The following CNOT3 variants were observed in gnomAD, a reference collection of about 807,000 sequenced individuals.
The protein encoded by CNOT3 is CCR4-NOT transcription complex subunit 3, also known as CCR4-associated factor 3.
A neutral mutation model predicts 89.4 loss-of-function variants in CNOT3; 2 were observed. The ratio of observed to expected loss-of-function variants is 0.02; its 90% CI spans 0.01 to 0.07. The LOEUF (loss-of-function observed/expected upper bound fraction) is 0.07. Among genes scored for constraint, CNOT3 ranks in the 10% least tolerant of loss-of-function variants. The pLI is 1.00. For synonymous variants in CNOT3, 486 were observed against 402.0 expected (o/e 1.21, Z -2.50); for missense variants, 664 against 1,010.2 (o/e 0.66, Z 4.65).
chr19:54,148,505 G>A lies in CNOT3; in HGVS notation c.1252G>A (p.Gly418Arg). ...CAGCAGTAGTAACAGCAGTGCCGGT[G>A]GAGGGGCTGGCAAGCAGAATGGCGC... The part of the protein sequence containing the change: ...SSSSSNSSAG[G>R]GAGKQNGATS... Residue 418 changes from glycine to arginine, a missense_variant, in exon 11 of 18, where the codon GGA (glycine) becomes AGA (arginine). Physicochemically the swap from Gly to Arg is moderately radical, Grantham distance 125 (BLOSUM62 -2). Around this residue, in one of 8 missense-constraint regions of CNOT3, gnomAD observed 545 missense variants for 566.2 expected, o/e 0.96. Coordinates refer to ENST00000221232, the MANE Select transcript of CNOT3 (RefSeq NM_014516.4). This position sits in a 1 kb window ranked among gnomAD's most constrained non-coding sequence, Gnocchi z 6.3. 6.4e-7 allele frequency: 1 copy of A among 1,559,230 alleles called. No homozygotes were observed. Among genetic ancestry groups the A allele is most frequent in the Non-Finnish European group, 8.7e-7 (1 of 1,149,108 alleles).
intron 1 of CNOT3, among the ~76,000 whole-genome samples, chr19:54,138,392 C>T (rs897193085): frequency 6.6e-6 from 1 of 152,174 alleles, no homozygotes; most frequent in Non-Finnish European, 1.5e-5. Flanking sequence ...ATGGAGGCGC[C>T]CCTGGTCCCA....
intron 16 of CNOT3, 48 bp from the exon 17 acceptor site, chr19:54,153,667 C>T (rs1568692258): frequency 6.6e-7 from 1 of 1,518,536 alleles, no homozygotes. Context: ...TGGCTCCCCA[C>T]CCAGTTTGGG....
chr19:54,142,921 C>T lies in CNOT3; in HGVS notation c.-50-8C>T. ...ACGTGTTAATTCCTCTCCAATCTCT[C>T]CTAGCAGCGTCCGTCTCCAAGAGAG... is the stretch of plus-strand genomic sequence containing the variant. On this transcript the variant is annotated splice_polypyrimidine_tract_variant and splice_region_variant and intron_variant, in intron 1 of 17. Transcript: ENST00000221232. The T allele has an allele frequency of 6.4e-7, 1 of 1,573,812 alleles. No homozygotes were observed. Among genetic ancestry groups the T allele is most frequent in the Admixed American group, 1.7e-5 (1 of 59,978 alleles).
chr19:54,153,475 T>TA, intron 16 of CNOT3: 1 of 775,484 alleles, frequency 1.3e-6, no homozygotes, highest in Non-Finnish European at 2.4e-6. Context: ...CATCACACAT[T>TA]AGTTTTTCTT....
intron 1 of CNOT3, among the ~76,000 whole-genome samples, chr19:54,139,432 GA>G (rs1263758799): frequency 6.6e-6 from 1 of 152,154 alleles, no homozygotes; most frequent in Non-Finnish European, 1.5e-5. Context: ...GGTACCCCAT[GA>G]GAGTAGGAAG....
rs748705094 is a variant in CNOT3, at chr19:54,153,852, G to GC, written c.2163+17dup. ...ACGAGTTTGAGCAGGTGAGGGCCCC[G>GC]CCCCCTCTCTTCCCGCTGCTAGGGT... On this transcript the variant is annotated intron_variant, in intron 17 of 17. Coordinates refer to ENST00000221232, the MANE Select transcript of CNOT3 (RefSeq NM_014516.4). 6.2e-7 allele frequency: 1 copy of GC among 1,613,896 alleles called. No homozygotes were observed. The highest frequency in any genetic ancestry group is 1.3e-5 in the African/African-American group (1 of 74,912).
rs755267492 is a variant in CNOT3, at chr19:54,145,633, C to T, written c.519C>T (p.Ile173=). The T allele has an allele frequency of 5.7e-5, 92 of 1,613,782 alleles. No individual in the cohort carries two copies. In the Admixed American group the frequency reaches 6.5e-4, roughly 11 times the overall value. ...QDRIEGLKRH[I]EKHRYHVRML... is the part of the protein sequence containing the mutation. The stretch of plus-strand genomic sequence containing the variant: ...GGATTGAGGGCTTGAAGCGGCACAT[C>T]GAGAAGCACCGCTACCACGTGCGCA... Residue 173 remains isoleucine (I), a synonymous_variant, in exon 8 of 18, where the codon ATC becomes ATT. Coordinates refer to ENST00000221232, the MANE Select transcript of CNOT3 (RefSeq NM_014516.4). The surrounding 1 kb of genome is among the most constrained non-coding windows in gnomAD (Gnocchi z 5.9).
rs916686234 is a variant in CNOT3, at chr19:54,140,474, T to C, written c.-50-2455T>C. Among the ~76,000 whole-genome samples the C allele has an allele frequency of 3.9e-5, 6 of 152,228 alleles. No individual in the cohort carries two copies. In the East Asian group the frequency reaches 5.8e-4, roughly 15 times the overall value. On this transcript the variant is annotated intron_variant, in intron 1 of 17. Transcript: ENST00000221232. ...GACTACAGCAAATGGGGCTCTTTCTTCTCTGGCGGCGTCTCTGCTTCGAGA... is the reference window on the plus strand; with the variant it reads ...GACTACAGCAAATGGGGCTCTTTCTCCTCTGGCGGCGTCTCTGCTTCGAGA...
chr19:54,139,245 C>A (rs2074350467), intron 1 of CNOT3, among the ~76,000 whole-genome samples: 1 of 152,130 alleles, frequency 6.6e-6, no homozygotes, highest in African/African-American at 2.4e-5. Flanking sequence ...TATGAGGCTT[C>A]TTCCATCTTC....
In CNOT3 at chr19:54,145,655, C is replaced by T. The variant is rs373632528; in HGVS notation, c.541C>T (p.Arg181Cys). ...CATCGAGAAGCACCGCTACCACGTG[C>T]GCATGCTAGAGACCATCCTGCGCAT... ...RHIEKHRYHV[R>C]MLETILRMLD... Residue 181 changes from arginine to cysteine, a missense_variant, in exon 8 of 18, where the codon CGC becomes TGC. Coordinates refer to ENST00000221232, the MANE Select transcript of CNOT3 (RefSeq NM_014516.4). The surrounding 1 kb of genome is among the most constrained non-coding windows in gnomAD (Gnocchi z 5.9). 55 of 1,613,634 alleles carry T rather than the reference C, an allele frequency of 3.4e-5. No homozygotes were observed. Among genetic ancestry groups the T allele is most frequent in the Non-Finnish European group, 4.4e-5 (52 of 1,179,742 alleles).
chr19:54,149,785 C>T (rs1380783768), intron 13 of CNOT3, 27 bp downstream of exon 13: 9 of 1,567,712 alleles, frequency 5.7e-6, no homozygotes, highest in Non-Finnish European at 6.1e-6. Flanking sequence ...TCCCCCGAGC[C>T]TCTGTGTCCT....
Position 54,148,566 on chromosome 19 carries a change from T to TGGGCG in CNOT3, c.1282+36_1282+40dup, listed in dbSNP as rs1485751579. 4 of 1,252,696 alleles carry TGGGCG rather than the reference T, an allele frequency of 3.2e-6. No individual in the cohort carries two copies. In the East Asian group the frequency reaches 9.5e-5, roughly 30 times the overall value. 77.6% of individuals were successfully genotyped at this position (1,252,696 alleles called of 1,614,324 possible). A position where few individuals can be genotyped will look rare whatever the true frequency, so the allele number is the denominator to read the frequency against. ...TGAGGAGGCAGCGGGGTGGGGGGCG[T>TGGGCG]GGGCGGGGCTGGGCAGCAGGCAGCA... On this transcript the variant is annotated intron_variant, in intron 11 of 17. Coordinates refer to ENST00000221232, the MANE Select transcript of CNOT3 (RefSeq NM_014516.4). The surrounding 1 kb of genome is among the most constrained non-coding windows in gnomAD (Gnocchi z 6.3).
chr19:54,155,624 T>G lies in CNOT3; in HGVS notation c.*217T>G. 2 of 1,288,528 alleles carry G rather than the reference T, an allele frequency of 1.6e-6. No individual in the cohort carries two copies. The highest frequency in any genetic ancestry group is 1.5e-5 in the South Asian group (1 of 68,374). The allele number at this position is 1,288,528 out of a possible 1,614,324, so 79.8% of individuals were successfully genotyped here. ...TCCTCCCCTCCCCAGTGAGGGACAT[T>G]TTTTGGTAAACCTATTTTCATTTTG... is the stretch of plus-strand genomic sequence containing the variant. On this transcript the variant is annotated 3_prime_UTR_variant, in exon 18 of 18. Transcript: ENST00000221232.
chr19:54,145,557 T>C lies in CNOT3; in HGVS notation c.484-41T>C. 7.1e-7 allele frequency: 1 copy of C among 1,400,114 alleles called. No homozygotes were observed. Among genetic ancestry groups the C allele is most frequent in the Non-Finnish European group, 1.0e-6 (1 of 989,340 alleles). The allele number at this position is 1,400,114 out of a possible 1,614,324, so 86.7% of individuals were successfully genotyped here. The stretch of plus-strand genomic sequence containing the variant: ...GTGGGGGCAGGAGGGGCCAAGCAGG[T>C]GCTCTGCAGCCCCTGAGCCTGGCCC... On this transcript the variant is annotated intron_variant, in intron 7 of 17. Coordinates refer to ENST00000221232, the MANE Select transcript of CNOT3 (RefSeq NM_014516.4). The surrounding 1 kb of genome is among the most constrained non-coding windows in gnomAD (Gnocchi z 5.9).
chr19:54,139,223 C>T (rs2074350199), intron 1 of CNOT3, among the ~76,000 whole-genome samples: 1 of 152,124 alleles, frequency 6.6e-6, no homozygotes, highest in African/African-American at 2.4e-5. Flanking sequence ...CCTCCCTTCA[C>T]CCCTGCCTGA....
chr19:54,153,451 C>T (rs762517931), intron 16 of CNOT3: 3 of 774,784 alleles, frequency 3.9e-6, no homozygotes, highest in Non-Finnish European at 7.2e-6. Flanking sequence ...TAAATTGCCT[C>T]CTCTCTCAGC....
rs1330867656 is a variant in CNOT3, at chr19:54,143,244, G to A, written c.93+58G>A. The A allele has an allele frequency of 1.2e-4, 186 of 1,497,184 alleles. No homozygotes were observed. The South Asian group carries it at 1.6e-3, about 13-fold the overall frequency. 92.7% of individuals were successfully genotyped at this position (1,497,184 alleles called of 1,614,324 possible). On this transcript the variant is annotated intron_variant, in intron 3 of 17. Coordinates refer to ENST00000221232, the MANE Select transcript of CNOT3 (RefSeq NM_014516.4). ...TTCAGAGAGGAGGGCACAGGAAGGC[G>A]GCTCAGGACCTCTGGGTGTTGACCA... is the stretch of plus-strand genomic sequence containing the variant.
chr19:54,138,805 C>T (rs2074330761), intron 1 of CNOT3, among the ~76,000 whole-genome samples: 1 of 152,190 alleles, frequency 6.6e-6, no homozygotes, highest in Non-Finnish European at 1.5e-5. Flanking sequence ...GCACTGGGCG[C>T]CTGCCTTTTT....
At chr19:54,146,689 C>T (rs748274382) in intron 10 of CNOT3, 32 bp downstream of exon 10, 5 of 1,232,382 alleles carry the variant, frequency 4.1e-6, no homozygotes, top group Non-Finnish European at 6.0e-6. Context: ...GTGGGCACGC[C>T]ATTCACTCCT....
Sources: allele counts gnomAD v4.1 joint callset (sites outside exome capture counted in the v4.1 genomes callset), GRCh38; gene constraint gnomAD v4.1.1; regional missense constraint gnomAD v4.1.1; non-coding constraint Gnocchi (gnomAD v3.1); transcripts MANE v1.5; gene names NCBI Gene and HGNC (gene_info 2026-07-23, HGNC 2026-07-21).